Variants in MEGF11 observed in about 807,000 individuals in gnomAD.
The protein encoded by MEGF11 is multiple EGF like domains 11, also known as multiple epidermal growth factor-like domains protein 11.
Under a neutral mutation model 146.6 loss-of-function variants are expected in MEGF11, and 126 were observed. The observed-to-expected ratio is 0.86, with a 90% CI of 0.74 to 1.00. MEGF11 has a LOEUF of 1.00. MEGF11 is among the 50% of genes least tolerant of loss of function. MEGF11 has a pLI of 0.00. For missense variants in MEGF11, 1,509 were observed against 1,521.2 expected (o/e 0.99, Z 0.13); for synonymous variants, 532 against 583.4 (o/e 0.91, Z 1.27).
At chr15:65,984,805 A>T (rs11630302) in intron 5 of MEGF11, among the ~76,000 whole-genome samples, 28,724 of 152,020 alleles carry the variant, frequency 0.19, 2,923 homozygotes, top group Non-Finnish European at 0.23. Flanking sequence ...GTCTCGCTCT[A>T]TTAGGCAGGA....
chr15:66,164,979 G>T (rs1545747), intron 1 of MEGF11, among the ~76,000 whole-genome samples: 147,700 of 152,286 alleles, frequency 0.97, 71,664 homozygotes, highest in East Asian at 1. Flanking sequence ...TCAGTGGCAG[G>T]ACTGCCGGCA....
At chr15:66,018,626 TGTGA>T (rs1385038251) in intron 5 of MEGF11, among the ~76,000 whole-genome samples, 7 of 152,004 alleles carry the variant, frequency 4.6e-5, no homozygotes, top group Admixed American at 3.3e-4. Flanking sequence ...TGAGCGCATG[TGTGA>T]GTGTGTGCGA....
In MEGF11 at chr15:65,930,551, TCC is replaced by T. The variant is rs1310529924; in HGVS notation, c.1408+270_1408+271del. Among the ~76,000 whole-genome samples the T allele has an allele frequency of 3.3e-5, 5 of 152,308 alleles. No homozygotes were observed. In the East Asian group the frequency reaches 9.6e-4, roughly 29 times the overall value. On this transcript the variant is annotated intron_variant, in intron 11 of 25. Transcript: ENST00000395614. Reference sequence around the variant, plus strand: ...CAACCCTAAGAGTGATAGCAGCTTCTCCCACAGGTGTTAACGTGTCTCGGTTG... The same window carrying T: ...CAACCCTAAGAGTGATAGCAGCTTCTCACAGGTGTTAACGTGTCTCGGTTG...
intron 5 of MEGF11, among the ~76,000 whole-genome samples, chr15:65,994,143 T>G (rs2082134504): frequency 6.6e-6 from 1 of 152,190 alleles, no homozygotes; most frequent in African/African-American, 2.4e-5. Flanking sequence ...AAACCTAATT[T>G]CTGCCTTTAA....
At chr15:66,056,348 G>A (rs950696356) in intron 5 of MEGF11, among the ~76,000 whole-genome samples, 7 of 152,118 alleles carry the variant, frequency 4.6e-5, no homozygotes, top group African/African-American at 1.7e-4. Context: ...TGTAAAACAG[G>A]AGATCAAAAT....
At chr15:66,073,174 A>ATGGCGAGGCCTCTGGTGTGAGG (rs1451761154) in intron 5 of MEGF11, among the ~76,000 whole-genome samples, 2 of 152,232 alleles carry the variant, frequency 1.3e-5, no homozygotes, top group South Asian at 2.1e-4. Flanking sequence ...CCTGAGATGA[A>ATGGCGAGGCCTCTGGTGTGAGG]TGGCGAGGCC....
chr15:66,034,209 C>A (rs1037779369), intron 5 of MEGF11, among the ~76,000 whole-genome samples: 13 of 152,224 alleles, frequency 8.5e-5, no homozygotes, highest in African/African-American at 3.1e-4. Context: ...CACAATCTCA[C>A]AGCTGGAGGG....
In MEGF11 at chr15:65,960,073, T is replaced by TATCA. The variant is rs112046365; in HGVS notation, c.1113-2356_1113-2353dup. Among the ~76,000 whole-genome samples the TATCA allele has an allele frequency of 1.8e-3, 277 of 151,626 alleles. 4 individuals carry two copies. The highest frequency in any genetic ancestry group is 0.015 in the Admixed American group (229 of 15,258). On this transcript the variant is annotated intron_variant, in intron 9 of 25. Transcript: ENST00000395614. ...AGCACTTTGTATACAAAGCCATTTC[T>TATCA]ATCAATCAATGCTGCATCTGTTGGC...
chr15:66,190,020 C>A (rs920328854), intron 1 of MEGF11, among the ~76,000 whole-genome samples: 3 of 152,134 alleles, frequency 2.0e-5, no homozygotes, highest in Non-Finnish European at 2.9e-5. Flanking sequence ...CCTGTCAAGC[C>A]AGTAGTTCTC....
At chr15:66,036,724 T>G (rs2140269611) in intron 5 of MEGF11, among the ~76,000 whole-genome samples, 1 of 152,284 alleles carries the variant, frequency 6.6e-6, no homozygotes, top group Middle Eastern at 3.4e-3. Flanking sequence ...CCAAATAAAT[T>G]GAGCAGGGAG....
At chr15:66,179,661 A>T (rs905699655) in intron 1 of MEGF11, among the ~76,000 whole-genome samples, 2 of 152,042 alleles carry the variant, frequency 1.3e-5, no homozygotes, top group African/African-American at 4.8e-5. Flanking sequence ...AGTTTCCCCA[A>T]ATGCAAAATA....
intron 2 of MEGF11, among the ~76,000 whole-genome samples, chr15:66,124,907 T>G (rs1001881520): frequency 6.6e-6 from 1 of 152,218 alleles, no homozygotes; most frequent in Admixed American, 6.5e-5. Context: ...TCAGCTGAGA[T>G]CTAAGGAATT....
At chr15:66,230,055 C>T (rs2091937791) in intron 1 of MEGF11, among the ~76,000 whole-genome samples, 1 of 152,204 alleles carries the variant, frequency 6.6e-6, no homozygotes, top group African/African-American at 2.4e-5. Flanking sequence ...GGTCCAGAAT[C>T]TGTCCTCCTT....
intron 5 of MEGF11, among the ~76,000 whole-genome samples, chr15:66,029,139 G>A (rs1206494525): frequency 6.6e-6 from 1 of 151,882 alleles, no homozygotes; most frequent in Non-Finnish European, 1.5e-5. Flanking sequence ...GTGTGGCCAG[G>A]CAAACAGAAT....
chr15:66,241,889 A>C (rs1407035298), intron 1 of MEGF11, among the ~76,000 whole-genome samples: 2 of 152,198 alleles, frequency 1.3e-5, no homozygotes, highest in African/African-American at 4.8e-5. Context: ...TCAGAAATAC[A>C]CACGTGGATA....
chr15:66,218,905 G>A (rs1274658487), intron 1 of MEGF11, among the ~76,000 whole-genome samples: 12 of 135,198 alleles, frequency 8.9e-5, no homozygotes. Context: ...ACACCACACT[G>A]AAGCTTAAAA....
chr15:65,898,441 CTGTG>C (rs1004717659), intron 25 of MEGF11: 50 of 983,544 alleles, frequency 5.1e-5, no homozygotes, highest in East Asian at 2.3e-4. Flanking sequence ...TATCAACAAT[CTGTG>C]TGTGTGTGTG....
intron 1 of MEGF11, among the ~76,000 whole-genome samples, chr15:66,222,146 A>G (rs766212892): frequency 1.3e-5 from 2 of 152,162 alleles, no homozygotes; most frequent in African/African-American, 2.4e-5. Flanking sequence ...GGAGGCCTTG[A>G]GGACAGGCAG....
At chr15:65,902,723 T>C (rs1314183894) in intron 24 of MEGF11, among the ~76,000 whole-genome samples, 3 of 152,228 alleles carry the variant, frequency 2.0e-5, no homozygotes, top group Non-Finnish European at 4.4e-5. Flanking sequence ...GTCATTTGCA[T>C]CAGGATTGGC....
Sources: allele counts gnomAD v4.1 joint callset (sites outside exome capture counted in the v4.1 genomes callset), GRCh38; gene constraint gnomAD v4.1.1; transcripts MANE v1.5; gene names NCBI Gene and HGNC (gene_info 2026-07-23, HGNC 2026-07-21).